Variants in KALRN observed in about 807,000 individuals in gnomAD.
KALRN encodes kalirin RhoGEF kinase.
Under a neutral mutation model 353.7 loss-of-function variants are expected in KALRN, and 70 were observed. That is an observed-to-expected ratio of 0.20 (90% CI 0.16 to 0.24). The LOEUF (loss-of-function observed/expected upper bound fraction) is 0.24, where lower values mean the gene tolerates loss of function less well. Ranked by LOEUF, KALRN falls within the 10% of genes least tolerant of loss-of-function variation. The pLI, the probability that KALRN is intolerant of heterozygous loss-of-function variation, is 1.00. For missense variants in KALRN, 2,791 were observed against 3,756.7 expected (o/e 0.74, Z 6.72); for synonymous variants, 1,391 against 1,434.8 (o/e 0.97, Z 0.69).
chr3:124,413,399 T>C, intron 13 of KALRN, 71 bp from the exon 14 acceptor site: 2 of 1,290,142 alleles, frequency 1.6e-6, no homozygotes, highest in Non-Finnish European at 2.2e-6. Flanking sequence ...AGGCTTGGAA[T>C]TGTGAGCCTT....
rs1285180136 is a variant in KALRN, at chr3:124,600,850, G to A, written c.5183-31570G>A. The stretch of plus-strand genomic sequence containing the variant: ...AAATGCCCCAGCTCGAAGTAAAGAG[G>A]AAAACCAGATTACAAAGCTTCTGAA... On this transcript the variant is annotated intron_variant, in intron 34 of 59. Coordinates refer to ENST00000682506, the MANE Select transcript of KALRN (RefSeq NM_001388419.1). 2.6e-5 allele frequency among the ~76,000 whole-genome samples: 4 copies of A among 152,282 alleles called. No individual in the cohort carries two copies. In the East Asian group the frequency reaches 7.7e-4, roughly 29 times the overall value.
At chr3:124,368,277 C>T (rs571137200) in intron 10 of KALRN, among the ~76,000 whole-genome samples, 41 of 145,042 alleles carry the variant, frequency 2.8e-4, no homozygotes, top group African/African-American at 9.5e-4. Flanking sequence ...GGGCGGCTGC[C>T]GGGCGGAGAC....
chr3:124,482,034 T>C (rs1377422190), intron 27 of KALRN, among the ~76,000 whole-genome samples: 1 of 151,878 alleles, frequency 6.6e-6, no homozygotes, highest in Non-Finnish European at 1.5e-5. Flanking sequence ...ATTTTGGAGG[T>C]AGGATAGAGA....
At chr3:124,495,957 G>GTATATATATATATATA (rs201949824) in intron 32 of KALRN, among the ~76,000 whole-genome samples, 9 of 44,228 alleles carry the variant, frequency 2.0e-4, no homozygotes, top group African/African-American at 7.0e-4. Context: ...GTGTGTATGT[G>GTATATATATATATATA]TATGTATGTA....
intron 1 of KALRN, among the ~76,000 whole-genome samples, chr3:124,169,906 A>C (rs2071484828): frequency 6.6e-6 from 1 of 152,156 alleles, no homozygotes; most frequent in Non-Finnish European, 1.5e-5. Context: ...AAACTAGAGA[A>C]GGAAGTAAGA....
At chr3:124,193,319 C>T (rs1232713807) in intron 1 of KALRN, among the ~76,000 whole-genome samples, 2 of 152,062 alleles carry the variant, frequency 1.3e-5, no homozygotes, top group Non-Finnish European at 1.5e-5. Flanking sequence ...AAATGAGGCT[C>T]AGCTGTCCTG....
chr3:124,061,515 T>A (rs898588878), intron 1 of KALRN, among the ~76,000 whole-genome samples: 2 of 152,248 alleles, frequency 1.3e-5, no homozygotes, highest in Non-Finnish European at 2.9e-5. Flanking sequence ...CACTAAGTGC[T>A]GCTTTGTTTC....
rs553639977 is a variant in KALRN, at chr3:124,227,480, G to T, written c.74-510G>T. Among the ~76,000 whole-genome samples, 8 of 152,224 alleles carry T rather than the reference G, an allele frequency of 5.3e-5. No individual in the cohort carries two copies. In the East Asian group the frequency reaches 1.5e-3, roughly 29 times the overall value. On this transcript the variant is annotated intron_variant, in intron 1 of 59. Coordinates refer to ENST00000682506, the MANE Select transcript of KALRN (RefSeq NM_001388419.1). Reference sequence around the variant, plus strand: ...TGTAAAATAAAGACTAATAGTTGTTGTGCCAGAGGAAAGGCAAGAAGGATT... The same window carrying T: ...TGTAAAATAAAGACTAATAGTTGTTTTGCCAGAGGAAAGGCAAGAAGGATT...
At chr3:124,661,077 C>A in intron 44 of KALRN, 104 bp downstream of exon 44, 1 of 882,270 alleles carries the variant, frequency 1.1e-6, no homozygotes, top group Non-Finnish European at 1.9e-6. Context: ...TCCAGGTGGA[C>A]CCCTCTCAGA....
intron 1 of KALRN, among the ~76,000 whole-genome samples, chr3:124,113,187 G>A (rs2063150405): frequency 6.6e-6 from 1 of 152,140 alleles, no homozygotes; most frequent in Non-Finnish European, 1.5e-5. Flanking sequence ...GTGTGACACT[G>A]GGCATGTCAC....
chr3:124,037,470 G>GAAAGCAC (rs1421629320), intron 1 of KALRN, among the ~76,000 whole-genome samples: 1 of 152,176 alleles, frequency 6.6e-6, no homozygotes, highest in African/African-American at 2.4e-5. Context: ...GGAGAGTCTT[G>GAAAGCAC]AAAGCACAAG....
intron 1 of KALRN, among the ~76,000 whole-genome samples, chr3:124,129,080 G>T (rs911317765): frequency 1.3e-5 from 2 of 152,078 alleles, no homozygotes; most frequent in African/African-American, 4.8e-5. Context: ...GCGTACAGCC[G>T]TATTCAGCAT....
At chr3:124,129,787 T>C (rs2065081717) in intron 1 of KALRN, among the ~76,000 whole-genome samples, 1 of 152,206 alleles carries the variant, frequency 6.6e-6, no homozygotes, top group Admixed American at 6.5e-5. Context: ...TTTTGGGCCT[T>C]GCTTTCCCCT....
intron 33 of KALRN, among the ~76,000 whole-genome samples, chr3:124,543,088 C>A (rs1475963347): frequency 6.6e-6 from 1 of 152,148 alleles, no homozygotes; most frequent in African/African-American, 2.4e-5. Flanking sequence ...CCTCACGACA[C>A]GGTGGCTGGC....
At chr3:124,604,289 T>G (rs919647794) in intron 34 of KALRN, among the ~76,000 whole-genome samples, 1 of 152,176 alleles carries the variant, frequency 6.6e-6, no homozygotes, top group Non-Finnish European at 1.5e-5. Flanking sequence ...TCCCAATGCT[T>G]TCATGTTTTT....
rs149904487 is a variant in KALRN at position 124,650,810 on chromosome 3, T to C, written c.5667T>C (p.Ser1889=). The C allele has an allele frequency of 5.5e-5, 88 of 1,613,266 alleles. 1 individual carries two copies. In the East Asian group the frequency reaches 2.0e-3, roughly 36 times the overall value. The change falls in exon 38 of 60, where the codon AGT becomes AGC. Residue 1889 remains serine, a splice_region_variant and synonymous_variant. Transcript: ENST00000682506. ...AIEKLVKNKL[S]LEGSSYRGSL... is the part of the protein sequence containing the mutation. ...AGCCTGTTTTTCTCTCTTTTCAGAG[T>C]CTAGAAGGAAGCTCATACCGGGGGA...
intron 26 of KALRN, 104 bp from the exon 27 acceptor site, chr3:124,477,141 G>A (rs1305448892): frequency 4.2e-5 from 29 of 691,748 alleles, no homozygotes; most frequent in South Asian, 2.4e-4. Context: ...AGACACTGGT[G>A]TCTGAGGGTC....
chr3:124,071,471 A>G (rs1462647492), intron 1 of KALRN, among the ~76,000 whole-genome samples: 11 of 152,206 alleles, frequency 7.2e-5, no homozygotes, highest in African/African-American at 2.2e-4. Context: ...ACTCAACCCA[A>G]AAGAGGAGAG....
intron 39 of KALRN, among the ~76,000 whole-genome samples, chr3:124,656,898 A>G (rs1369493073): frequency 2.0e-5 from 3 of 152,132 alleles, no homozygotes; most frequent in African/African-American, 7.2e-5. Context: ...GTAGAGGACG[A>G]GGGAATCTGA....
Sources: gnomAD v4.1 joint callset for allele counts (sites outside exome capture counted in the v4.1 genomes callset) on GRCh38, gnomAD v4.1.1 for gene constraint, MANE v1.5 for transcripts, NCBI Gene and HGNC (gene_info 2026-07-23, HGNC 2026-07-21) for gene names.